ZRANB3: variants seen among roughly 807,000 people sequenced by gnomAD.
ZRANB3 encodes DNA annealing helicase and endonuclease ZRANB3.
ZRANB3 carries 125 observed loss-of-function variants against 133.8 expected under a neutral mutation model. The observed-to-expected ratio is 0.93, with a 90% CI of 0.81 to 1.08. ZRANB3 has a LOEUF of 1.08. Among genes scored for constraint, ZRANB3 ranks in the 50% least tolerant of loss-of-function variants. ZRANB3 has a pLI of 0.00. For missense variants in ZRANB3, 1,229 were observed against 1,275.5 expected, an observed-to-expected ratio of 0.96 and a Z score of 0.56; for synonymous variants, 387 against 432.7, an observed-to-expected ratio of 0.89 and a Z score of 1.31.
Position 135,504,347 on chromosome 2 carries a change from G to A in ZRANB3, c.143C>T (p.Ala48Val), listed in dbSNP as rs776958301. 4.3e-6 allele frequency: 7 copies of A among 1,613,172 alleles called. No homozygotes were observed. The African/African-American group carries it at 6.7e-5, about 15-fold the overall frequency. The change falls in exon 2 of 21, where the codon GCC (alanine) becomes GTC (valine). Residue 48 changes from alanine to valine, a missense_variant. Ala to Val is a moderately conservative substitution (Grantham distance 64). Coordinates refer to ENST00000264159, the MANE Select transcript of ZRANB3 (RefSeq NM_032143.4). ...LPFQKDGIIF[A>V]LKRNGRCMVA... The stretch of plus-strand genomic sequence containing the variant: ...ACTTTACCTGCCATTTCTTTTGAGG[G>A]CAAAAATGATGCCATCTTTCTGGAA...
At chr2:135,358,988 C>T (rs1387762590) in intron 3 of ZRANB3, among the ~76,000 whole-genome samples, 1 of 151,032 alleles carries the variant, frequency 6.6e-6, no homozygotes, top group Non-Finnish European at 1.5e-5. Flanking sequence ...GTTTTTTTTT[C>T]AAGTCATTTT....
chr2:135,219,092 T>C lies in ZRANB3; in HGVS notation c.2337A>G (p.Lys779=). The C allele has an allele frequency of 6.6e-7, 1 of 1,512,316 alleles. No individual in the cohort carries two copies. Among genetic ancestry groups the C allele is most frequent in the Non-Finnish European group, 8.8e-7 (1 of 1,133,872 alleles). 93.7% of individuals were successfully genotyped at this position (1,512,316 alleles called of 1,614,324 possible). The change falls in exon 16 of 21, where the codon AAA becomes AAG. Residue 779 remains lysine (K), a synonymous_variant. Transcript: ENST00000264159. ...WEDLPASFQL[K]QYRSLILRFV... is the part of the protein sequence containing the mutation. ...CTATTCTTACCAGTGAGCGATATTG[T>C]TTCAGCTGAAAGCTTGCTGGTAAAT...
chr2:135,485,405 A>G (rs1032685700), intron 2 of ZRANB3, among the ~76,000 whole-genome samples: 4 of 152,206 alleles, frequency 2.6e-5, no homozygotes, highest in African/African-American at 9.6e-5. Flanking sequence ...AGGGGCATGT[A>G]TGAGAGACTT....
At chr2:135,290,044 A>G (rs1382508513) in intron 8 of ZRANB3, among the ~76,000 whole-genome samples, 2 of 152,214 alleles carry the variant, frequency 1.3e-5, no homozygotes, top group African/African-American at 4.8e-5. Flanking sequence ...AATGTTCTCT[A>G]AATATCTGTT....
At chr2:135,316,036 G>T (rs1683236444) in intron 6 of ZRANB3, among the ~76,000 whole-genome samples, 1 of 152,118 alleles carries the variant, frequency 6.6e-6, no homozygotes, top group African/African-American at 2.4e-5. Context: ...TTCTTCCTTT[G>T]AAATACTTCT....
intron 3 of ZRANB3, among the ~76,000 whole-genome samples, chr2:135,366,674 A>G (rs1014490669): frequency 6.6e-6 from 1 of 152,128 alleles, no homozygotes; most frequent in East Asian, 1.9e-4. Flanking sequence ...AAGGACTACT[A>G]AGAAAAAGAA....
chr2:135,456,208 T>C (rs1214876571), intron 2 of ZRANB3, among the ~76,000 whole-genome samples: 4 of 152,192 alleles, frequency 2.6e-5, no homozygotes, highest in Non-Finnish European at 5.9e-5. Flanking sequence ...CCTAATCACA[T>C]AGTAGTAGGA....
At chr2:135,499,154 C>T (rs57626004) in intron 2 of ZRANB3, among the ~76,000 whole-genome samples, 6,759 of 152,164 alleles carry the variant, frequency 0.044, 506 homozygotes, top group African/African-American at 0.16. Context: ...CCCTGGACAT[C>T]CAGCTTTAAA....
chr2:135,212,452 A>C (rs532953634), intron 17 of ZRANB3, among the ~76,000 whole-genome samples: 1 of 152,344 alleles, frequency 6.6e-6, no homozygotes, highest in Non-Finnish European at 1.5e-5. Flanking sequence ...CTAATTCAGT[A>C]ACTAAAAGAT....
At chr2:135,295,200 G>C (rs77063264) in intron 8 of ZRANB3, among the ~76,000 whole-genome samples, 15,884 of 152,160 alleles carry the variant, frequency 0.1, 1,090 homozygotes, top group South Asian at 0.32. Context: ...CATTATTATT[G>C]TGTGGGAGTC....
chr2:135,528,789 A>G (rs1020487721), intron 1 of ZRANB3, among the ~76,000 whole-genome samples: 1 of 152,244 alleles, frequency 6.6e-6, no homozygotes, highest in African/African-American at 2.4e-5. Context: ...TTACATTCCT[A>G]TATCTAGCAG....
At chr2:135,295,844 T>A (rs918204803) in intron 8 of ZRANB3, among the ~76,000 whole-genome samples, 1 of 152,206 alleles carries the variant, frequency 6.6e-6, no homozygotes, top group Non-Finnish European at 1.5e-5. Context: ...TGAAGCTCAG[T>A]TTGGCTGGAT....
At chr2:135,357,319 G>A (rs1411277321) in intron 3 of ZRANB3, among the ~76,000 whole-genome samples, 2 of 151,566 alleles carry the variant, frequency 1.3e-5, no homozygotes, top group Admixed American at 6.6e-5. Context: ...TTCTTGAAAC[G>A]GAGTCTTGTT....
intron 3 of ZRANB3, among the ~76,000 whole-genome samples, chr2:135,367,251 T>G (rs1475077639): frequency 1.3e-5 from 2 of 152,262 alleles, no homozygotes; most frequent in South Asian, 4.2e-4. Context: ...CAGTTTATAG[T>G]GTTTAAAACT....
intron 8 of ZRANB3, among the ~76,000 whole-genome samples, chr2:135,299,697 A>C (rs868288343): frequency 6.6e-6 from 1 of 152,234 alleles, no homozygotes. Flanking sequence ...GATAACAAAC[A>C]TACTTAAAAT....
At chr2:135,498,967 T>G (rs1692812435) in intron 2 of ZRANB3, among the ~76,000 whole-genome samples, 1 of 152,152 alleles carries the variant, frequency 6.6e-6, no homozygotes, top group African/African-American at 2.4e-5. Context: ...TTTCTCCCCA[T>G]TCCTGTGATC....
intron 1 of ZRANB3, among the ~76,000 whole-genome samples, chr2:135,504,977 A>T (rs1693108981): frequency 6.6e-6 from 1 of 152,048 alleles, no homozygotes; most frequent in Admixed American, 6.5e-5. Context: ...TAACTCCAAA[A>T]TCAAATTTAT....
rs1264860768 is a variant in ZRANB3 at position 135,213,221 on chromosome 2, G to A, written c.2496-4243C>T. On this transcript the variant is annotated intron_variant, in intron 17 of 20. Coordinates refer to ENST00000264159, the MANE Select transcript of ZRANB3 (RefSeq NM_032143.4). ...GTCAATCTGAAAGCTGTGCAAAAAAGGGGGTCCGAGGAGTTTCAGTTTTCA... is the reference window on the plus strand; with the variant it reads ...GTCAATCTGAAAGCTGTGCAAAAAAAGGGGTCCGAGGAGTTTCAGTTTTCA... Among the ~76,000 whole-genome samples the A allele has an allele frequency of 2.6e-5, 4 of 152,146 alleles. No homozygotes were observed. The East Asian group carries it at 7.7e-4, about 29-fold the overall frequency.
chr2:135,299,371 G>A (rs1207726084), intron 8 of ZRANB3, among the ~76,000 whole-genome samples: 1 of 152,202 alleles, frequency 6.6e-6, no homozygotes, highest in African/African-American at 2.4e-5. Context: ...GGAAAGCACT[G>A]AGTTTACATC....
Sources: gnomAD v4.1 joint callset for allele counts (sites outside exome capture counted in the v4.1 genomes callset) on GRCh38, gnomAD v4.1.1 for gene constraint, MANE v1.5 for transcripts, NCBI Gene and HGNC (gene_info 2026-07-23, HGNC 2026-07-21) for gene names.